The following DRG2 variants were observed in gnomAD, a reference collection of about 807,000 sequenced individuals.
DRG2 encodes the protein developmentally regulated GTP binding protein 2, also known as developmentally-regulated GTP-binding protein 2.
A neutral mutation model predicts 53.4 loss-of-function variants in DRG2; 36 were observed. The observed-to-expected ratio is 0.67, with a 90% confidence interval of 0.52 to 0.89. The LOEUF (loss-of-function observed/expected upper bound fraction) is 0.89. Among genes scored for constraint, DRG2 ranks in the 40% least tolerant of loss-of-function variants. The pLI is 0.00. For missense variants in DRG2, 342 were observed against 481.2 expected (o/e 0.71, Z 2.71); for synonymous variants, 167 against 192.1 (o/e 0.87, Z 1.08).
chr17:18,097,820 T>G (rs2045458862), intron 2 of DRG2: 1 of 153,284 alleles, frequency 6.5e-6, no homozygotes, highest in Admixed American at 6.5e-5. Flanking sequence ...CAGCTGTCTC[T>G]GCCTCAGCCC....
Position 18,107,195 on chromosome 17 carries a change from CCA to C in DRG2, c.1054_1055del (p.Thr352HisfsTer4). 6.2e-7 allele frequency: 1 copy of C among 1,613,512 alleles called. No homozygotes were observed. The highest frequency in any genetic ancestry group is 8.5e-7 in the Non-Finnish European group (1 of 1,180,036). On this transcript the variant is annotated frameshift_variant, in exon 13 of 13. Transcript: ENST00000225729. LOFTEE classifies it high-confidence loss of function. The stretch of plus-strand genomic sequence containing the variant: ...ACAGTCCGCAGCGGGTGGGCCTGAC[CCA>C]CACCATGGAGCATGAGGACGTCATC... The part of the protein sequence containing the change: ...KYSPQRVGLT[H>X]TMEHEDVIQI...
chr17:18,099,709 G>A lies in DRG2; in HGVS notation c.453G>A (p.Lys151=), dbSNP rs576678745. The change falls in exon 5 of 13, where the codon AAG becomes AAA. Residue 151 remains lysine (K), a synonymous_variant. Transcript: ENST00000225729. This position sits in a 1 kb window ranked among gnomAD's most constrained non-coding sequence, Gnocchi z 4.4. ...DVIIMMLDAT[K]GEVQRSLLEK... is the part of the protein sequence containing the mutation. Reference sequence around the variant, plus strand: ...TCATCATGATGCTGGATGCCACCAAGGGAGAGGTGCAGAGGTCCGCAGGGT... The same window carrying A: ...TCATCATGATGCTGGATGCCACCAAAGGAGAGGTGCAGAGGTCCGCAGGGT... The A allele has an allele frequency of 6.2e-7, 1 of 1,605,264 alleles. No individual in the cohort carries two copies. Among genetic ancestry groups the A allele is most frequent in the South Asian group, 1.1e-5 (1 of 88,912 alleles).
Position 18,094,134 on chromosome 17 carries a change from T to C in DRG2, c.225+161T>C. 4.3e-6 allele frequency: 4 copies of C among 920,240 alleles called. No individual in the cohort carries two copies. In the African/African-American group the frequency reaches 5.1e-5, roughly 12 times the overall value. The allele number at this position is 920,240 out of a possible 1,614,324, so 57.0% of individuals were successfully genotyped here. ...ATCCCAGCCCTTTATCATCCTAACA[T>C]GGAGGACGCTCTTTCCTCTTGCCAG... On this transcript the variant is annotated intron_variant, in intron 2 of 12. Transcript: ENST00000225729.
At chr17:18,088,750 C>G (rs1005062662) in intron 1 of DRG2, among the ~76,000 whole-genome samples, 8 of 152,134 alleles carry the variant, frequency 5.3e-5, no homozygotes, top group Non-Finnish European at 1.0e-4. Context: ...ATAGATAATA[C>G]ATAATGAAGC....
At chr17:18,106,597 G>A in intron 12 of DRG2, 111 bp downstream of exon 12, 3 of 1,251,044 alleles carry the variant, frequency 2.4e-6, no homozygotes, top group Non-Finnish European at 3.5e-6. Context: ...CCTTCCTGTG[G>A]GGATTGGCAT....
chr17:18,098,538 A>G lies in DRG2; in HGVS notation c.315+179A>G. The G allele has an allele frequency of 1.7e-6, 1 of 575,016 alleles. No homozygotes were observed. The highest frequency in any genetic ancestry group is 3.1e-5 in the East Asian group (1 of 32,004). The allele number at this position is 575,016 out of a possible 1,614,324, so 35.6% of individuals were successfully genotyped here. Reference sequence around the variant, plus strand: ...GGGGATCCTAGCTGCTGGACCCCAGAGATGCCTGGTGGGGCCTGGAACTAG... The same window carrying G: ...GGGGATCCTAGCTGCTGGACCCCAGGGATGCCTGGTGGGGCCTGGAACTAG... On this transcript the variant is annotated intron_variant, in intron 3 of 12. Coordinates refer to ENST00000225729, the MANE Select transcript of DRG2 (RefSeq NM_001388.5). This position sits in a 1 kb window ranked among gnomAD's most constrained non-coding sequence, Gnocchi z 4.1.
At chr17:18,089,387 G>A (rs546946623) in intron 1 of DRG2, among the ~76,000 whole-genome samples, 5 of 152,128 alleles carry the variant, frequency 3.3e-5, no homozygotes, top group East Asian at 1.9e-4. Flanking sequence ...TGATCCACCC[G>A]CCTCGGCCTC....
intron 12 of DRG2, among the ~76,000 whole-genome samples, 199 bp downstream of exon 12, chr17:18,106,685 T>A (rs1329277143): frequency 8.4e-6 from 1 of 119,324 alleles, no homozygotes; most frequent in Non-Finnish European, 1.7e-5. Flanking sequence ...TTTTTTTTTC[T>A]GGTTTTTTTT....
At position 18,103,779 on chromosome 17, in the gene DRG2, C is replaced by T. The variant is rs1256504142; in HGVS notation, c.807-22C>T. 5.6e-6 allele frequency: 9 copies of T among 1,613,534 alleles called. No homozygotes were observed. The Admixed American group carries it at 6.7e-5, about 12-fold the overall frequency. ...TGAATTCACAGGGGCCCCTGCCTGA[C>T]TGGCCGCCTCCCTCTTTGCAGCTGC... On this transcript the variant is annotated intron_variant, in intron 9 of 12. Transcript: ENST00000225729. This position sits in a 1 kb window ranked among gnomAD's most constrained non-coding sequence, Gnocchi z 4.4.
chr17:18,106,242 T>C, intron 11 of DRG2, 191 bp from the exon 12 acceptor site: 1 of 613,504 alleles, frequency 1.6e-6, no homozygotes, highest in South Asian at 1.8e-5. Context: ...CAGGGCCACC[T>C]GCAGCTGTGA....
At chr17:18,093,283 G>A (rs2045365555) in intron 1 of DRG2, among the ~76,000 whole-genome samples, 1 of 151,706 alleles carries the variant, frequency 6.6e-6, no homozygotes, top group Non-Finnish European at 1.5e-5. Context: ...AACCATTGGT[G>A]AGAACCATTT....
chr17:18,100,360 T>C lies in DRG2; in HGVS notation c.468-3T>C, dbSNP rs373761789. 18 of 1,614,056 alleles carry C rather than the reference T, an allele frequency of 1.1e-5. No homozygotes were observed. Among genetic ancestry groups the C allele is most frequent in the Non-Finnish European group, 1.5e-5 (18 of 1,180,038 alleles). ...TGAGGGGCTTAAGGGGTACTCTTCC[T>C]AGGTCTCTGCTGGAGAAGGAGCTGG... On this transcript the variant is annotated splice_region_variant and splice_polypyrimidine_tract_variant and intron_variant, in intron 5 of 12. Coordinates refer to ENST00000225729, the MANE Select transcript of DRG2 (RefSeq NM_001388.5). This position sits in a 1 kb window ranked among gnomAD's most constrained non-coding sequence, Gnocchi z 4.1.
chr17:18,091,628 G>A (rs1449896048), intron 1 of DRG2, among the ~76,000 whole-genome samples: 1 of 151,970 alleles, frequency 6.6e-6, no homozygotes, highest in African/African-American at 2.4e-5. Flanking sequence ...AGGCCAAGGC[G>A]GGCGGATCAC....
In DRG2 at chr17:18,101,843, G is replaced by A. The variant is rs532507853; in HGVS notation, c.730-78G>A. 3.1e-5 allele frequency: 46 copies of A among 1,479,476 alleles called. No homozygotes were observed. The South Asian group carries it at 4.5e-4, about 15-fold the overall frequency. 91.6% of individuals were successfully genotyped at this position (1,479,476 alleles called of 1,614,324 possible). A position where few individuals can be genotyped will look rare whatever the true frequency, so the allele number is the denominator to read the frequency against. On this transcript the variant is annotated intron_variant, in intron 8 of 12. Transcript: ENST00000225729. ...AGCTCTCCAAGGAAGGGCTGCAGCC[G>A]GCACAGGGCGATGGAGGGCCCTTTC...
Position 18,100,726 on chromosome 17 carries a change from T to A in DRG2, c.631+67T>A, listed in dbSNP as rs2045518076. On this transcript the variant is annotated intron_variant, in intron 7 of 12. Coordinates refer to ENST00000225729, the MANE Select transcript of DRG2 (RefSeq NM_001388.5). The surrounding 1 kb of genome is among the most constrained non-coding windows in gnomAD (Gnocchi z 4.1). Reference sequence around the variant, plus strand: ...CCGTCAGCGCAGCGGGGGGACTGACTAAGACAGGAGGCCTCATGGAGCAGG... The same window carrying A: ...CCGTCAGCGCAGCGGGGGGACTGACAAAGACAGGAGGCCTCATGGAGCAGG... The A allele has an allele frequency of 6.7e-7, 1 of 1,492,486 alleles. No individual in the cohort carries two copies. Among genetic ancestry groups the A allele is most frequent in the Admixed American group, 1.9e-5 (1 of 51,594 alleles). The allele number at this position is 1,492,486 out of a possible 1,614,324, so 92.5% of individuals were successfully genotyped here. A position where few individuals can be genotyped will look rare whatever the true frequency, so the allele number is the denominator to read the frequency against.
Position 18,107,413 on chromosome 17 carries a change from G to A in DRG2, c.*173G>A. 1.5e-6 allele frequency: 1 copy of A among 654,178 alleles called. No homozygotes were observed. Among genetic ancestry groups the A allele is most frequent in the Non-Finnish European group, 2.7e-6 (1 of 375,994 alleles). The allele number at this position is 654,178 out of a possible 1,614,324, so 40.5% of individuals were successfully genotyped here. ...CAGTAGGCAGACGAAGAGTGTGTTGGGGCAAAGGGGCTCGGTTGGAGGCAT... is the reference window on the plus strand; with the variant it reads ...CAGTAGGCAGACGAAGAGTGTGTTGAGGCAAAGGGGCTCGGTTGGAGGCAT... On this transcript the variant is annotated 3_prime_UTR_variant, in exon 13 of 13. Transcript: ENST00000225729.
chr17:18,098,491 G>GC lies in DRG2; in HGVS notation c.315+135dup. 2.5e-6 allele frequency: 2 copies of GC among 796,222 alleles called. No individual in the cohort carries two copies. Among genetic ancestry groups the GC allele is most frequent in the Admixed American group, 4.1e-5 (2 of 48,390 alleles). 49.3% of individuals were successfully genotyped at this position (796,222 alleles called of 1,614,324 possible). A position where few individuals can be genotyped will look rare whatever the true frequency, so the allele number is the denominator to read the frequency against. The stretch of plus-strand genomic sequence containing the variant: ...GACAGGCTCTGGACTGAGCTGCTTT[G>GC]CCCTCCAGCACTGACACTTCTGGGG... On this transcript the variant is annotated intron_variant, in intron 3 of 12. Transcript: ENST00000225729. The surrounding 1 kb of genome is among the most constrained non-coding windows in gnomAD (Gnocchi z 4.1).
In DRG2 at chr17:18,098,259, T is replaced by A. The variant is rs772203199; in HGVS notation, c.226-11T>A. On this transcript the variant is annotated splice_polypyrimidine_tract_variant and intron_variant, in intron 2 of 12. Transcript: ENST00000225729. This position sits in a 1 kb window ranked among gnomAD's most constrained non-coding sequence, Gnocchi z 4.1. Reference sequence around the variant, plus strand: ...AAGGCTCCTCAGTGCAATGATCTCCTTTTCTCCTAGTCCACATTCTTGAGT... The same window carrying A: ...AAGGCTCCTCAGTGCAATGATCTCCATTTCTCCTAGTCCACATTCTTGAGT... The A allele has an allele frequency of 1.2e-6, 2 of 1,611,962 alleles. No homozygotes were observed. Among genetic ancestry groups the A allele is most frequent in the Non-Finnish European group, 1.7e-6 (2 of 1,178,352 alleles).
intron 1 of DRG2, 74 bp downstream of exon 1, chr17:18,088,161 C>G (rs112618352): frequency 8.1e-6 from 12 of 1,480,016 alleles, no homozygotes; most frequent in African/African-American, 2.8e-5. Flanking sequence ...GGGAACAACT[C>G]CAGCAGTAAT....
Sources: allele counts gnomAD v4.1 joint callset (sites outside exome capture counted in the v4.1 genomes callset), GRCh38; gene constraint gnomAD v4.1.1; non-coding constraint Gnocchi (gnomAD v3.1); transcripts MANE v1.5; gene names NCBI Gene and HGNC (gene_info 2026-07-23, HGNC 2026-07-21).